The following GALNT7 variants were observed in gnomAD, a reference collection of about 807,000 sequenced individuals.
GALNT7 encodes the protein polypeptide N-acetylgalactosaminyltransferase 7.
In GALNT7, 60 loss-of-function variants were observed where a neutral mutation model predicts 82.1. That is an observed-to-expected ratio of 0.73 (90% CI 0.59 to 0.91). The LOEUF is 0.91. GALNT7 is among the 40% of genes least tolerant of loss of function. The probability of loss-of-function intolerance (pLI) is 0.00; values close to 1 mark genes in which losing one functional copy is unlikely to be tolerated. For missense variants in GALNT7, 660 were observed against 804.2 expected, an observed-to-expected ratio of 0.82 and a Z score of 2.17; for synonymous variants, 243 against 275.1, an observed-to-expected ratio of 0.88 and a Z score of 1.15.
At chr4:173,204,056 C>A (rs1232979906) in intron 1 of GALNT7, among the ~76,000 whole-genome samples, 1 of 152,112 alleles carries the variant, frequency 6.6e-6, no homozygotes, top group Non-Finnish European at 1.5e-5. Context: ...TTTGTCTGGG[C>A]AAGTCTTTTA....
At chr4:173,308,624 G>T (rs567704889) in intron 8 of GALNT7, among the ~76,000 whole-genome samples, 1 of 152,268 alleles carries the variant, frequency 6.6e-6, no homozygotes, top group South Asian at 2.1e-4. Flanking sequence ...AGGAAAATTG[G>T]CCAGGCACAG....
chr4:173,225,911 C>T (rs1733811536), intron 1 of GALNT7, among the ~76,000 whole-genome samples: 1 of 152,148 alleles, frequency 6.6e-6, no homozygotes, highest in Non-Finnish European at 1.5e-5. Context: ...TGAACCAACC[C>T]CACAGAGAGC....
chr4:173,287,227 A>G (rs182869215), intron 2 of GALNT7, among the ~76,000 whole-genome samples: 4 of 152,362 alleles, frequency 2.6e-5, no homozygotes, highest in East Asian at 1.9e-4. Flanking sequence ...AAGTTCTCCA[A>G]TATACACATT....
chr4:173,291,977 T>C lies in GALNT7; in HGVS notation c.588-131T>C, dbSNP rs1208269876. 5.1e-6 allele frequency: 3 copies of C among 582,596 alleles called. No homozygotes were observed. In the East Asian group the frequency reaches 9.5e-5, roughly 19 times the overall value. 36.1% of individuals were successfully genotyped at this position (582,596 alleles called of 1,614,324 possible). A position where few individuals can be genotyped will look rare whatever the true frequency, so the allele number is the denominator to read the frequency against. ...TTTATCTTGCATTTCTGTTAAATTT[T>C]GAAGGCTATATTTCATTCACTTACC... On this transcript the variant is annotated intron_variant, in intron 2 of 11. Coordinates refer to ENST00000265000, the MANE Select transcript of GALNT7 (RefSeq NM_017423.3).
intron 1 of GALNT7, among the ~76,000 whole-genome samples, chr4:173,229,355 TTATTGAAATAAATG>T (rs1374800610): frequency 2.0e-5 from 3 of 152,206 alleles, no homozygotes; most frequent in Non-Finnish European, 2.9e-5. Context: ...AAGGAAATTT[TTATTGAAATAAATG>T]TATTGAAATT....
At position 173,248,106 on chromosome 4, in the gene GALNT7, A is replaced by G; in HGVS notation, c.253A>G (p.Ile85Val). 1.2e-6 allele frequency: 2 copies of G among 1,613,712 alleles called. No homozygotes were observed. Among genetic ancestry groups the G allele is most frequent in the East Asian group, 2.2e-5 (1 of 44,864 alleles). Residue 85 changes from isoleucine to valine, a missense_variant, in exon 2 of 12, where the codon ATT becomes GTT. Coordinates refer to ENST00000265000, the MANE Select transcript of GALNT7 (RefSeq NM_017423.3). ...VEGVEVDLES[I>V]RRINKAKNEQ... ...AGGAGTAGAAGTGGACTTAGAGTCT[A>G]TTAGAAGAATAAACAAGGCCAAAAA...
rs1737859843 is a variant in GALNT7 at position 173,322,498 on chromosome 4, T to A, written c.*781T>A. On this transcript the variant is annotated 3_prime_UTR_variant, in exon 12 of 12. Transcript: ENST00000265000. Reference sequence around the variant, plus strand: ...CATTCACTCCCTTACCTACTGGCATTCCCAGTGCCCTCTGTCCATACCTAC... The same window carrying A: ...CATTCACTCCCTTACCTACTGGCATACCCAGTGCCCTCTGTCCATACCTAC... The A allele has an allele frequency of 6.6e-6, 1 of 152,192 alleles. No individual in the cohort carries two copies. Among genetic ancestry groups the A allele is most frequent in the African/African-American group, 2.4e-5 (1 of 41,456 alleles). 9.4% of individuals were successfully genotyped at this position (152,192 alleles called of 1,614,324 possible). A position where few individuals can be genotyped will look rare whatever the true frequency, so the allele number is the denominator to read the frequency against.
At position 173,170,366 on chromosome 4, in the gene GALNT7, A is replaced by G. The variant is rs145409208; in HGVS notation, c.126+1405A>G. 1.6e-4 allele frequency among the ~76,000 whole-genome samples: 25 copies of G among 152,294 alleles called. No homozygotes were observed. The Middle Eastern group carries it at 0.01, about 62-fold the overall frequency. On this transcript the variant is annotated intron_variant, in intron 1 of 11. Transcript: ENST00000265000. ...TTCCTTCTGGAAAGTTAGCATCAAGAAGTTGGGCAAAAAGGCTTGTGGCGT... is the reference window on the plus strand; with the variant it reads ...TTCCTTCTGGAAAGTTAGCATCAAGGAGTTGGGCAAAAAGGCTTGTGGCGT...
chr4:173,253,257 A>T (rs1734908498), intron 2 of GALNT7, among the ~76,000 whole-genome samples: 1 of 152,144 alleles, frequency 6.6e-6, no homozygotes, highest in Non-Finnish European at 1.5e-5. Flanking sequence ...GAAGACCCTG[A>T]AGGATGAGTA....
At chr4:173,204,204 T>G (rs1733023928) in intron 1 of GALNT7, among the ~76,000 whole-genome samples, 1 of 152,238 alleles carries the variant, frequency 6.6e-6, no homozygotes, top group South Asian at 2.1e-4. Context: ...CTACTGCCAG[T>G]CTTTCTGGAA....
chr4:173,317,241 A>C (rs1737637781), intron 9 of GALNT7: 1 of 170,540 alleles, frequency 5.9e-6, no homozygotes, highest in Admixed American at 6.0e-5. Flanking sequence ...CATTTGGGAG[A>C]GGTCCCTTAC....
At chr4:173,317,263 G>C (rs1682350595) in intron 9 of GALNT7, 2 of 204,374 alleles carry the variant, frequency 9.8e-6, no homozygotes, top group South Asian at 1.5e-4. Flanking sequence ...AATCCAGTCT[G>C]TTCTAGATAT....
Position 173,168,967 on chromosome 4 carries a change from TG to T in GALNT7, c.126+7del. On this transcript the variant is annotated splice_region_variant and intron_variant, in intron 1 of 11. Transcript: ENST00000265000. The stretch of plus-strand genomic sequence containing the variant: ...GCCCGCTGAGCAGGATGAGGGTGAG[TG>T]ACCCGCCCGGCCCCCTCCGGCGGCA... The T allele has an allele frequency of 6.2e-7, 1 of 1,610,466 alleles. No homozygotes were observed. Among genetic ancestry groups the T allele is most frequent in the Non-Finnish European group, 8.5e-7 (1 of 1,178,122 alleles).
chr4:173,209,933 G>A (rs190844850), intron 1 of GALNT7, among the ~76,000 whole-genome samples: 37 of 152,166 alleles, frequency 2.4e-4, no homozygotes, highest in Non-Finnish European at 3.7e-4. Flanking sequence ...AGGAGTTCCA[G>A]ACCAGCCTGA....
At position 173,187,985 on chromosome 4, in the gene GALNT7, CTCT is replaced by C. The variant is rs144851082; in HGVS notation, c.126+19029_126+19031del. On this transcript the variant is annotated intron_variant, in intron 1 of 11. Coordinates refer to ENST00000265000, the MANE Select transcript of GALNT7 (RefSeq NM_017423.3). ...CTTATTTCACTCTGAGGTGATAGGG[CTCT>C]TCTTTTCTATGTCTTTGCATCTTAA... Among the ~76,000 whole-genome samples, 799 of 152,222 alleles carry C rather than the reference CTCT, an allele frequency of 5.2e-3. 8 individuals are homozygous for C. The highest frequency in any genetic ancestry group is 0.018 in the African/African-American group (768 of 41,532).
At chr4:173,285,826 G>A (rs930512382) in intron 2 of GALNT7, among the ~76,000 whole-genome samples, 1 of 152,210 alleles carries the variant, frequency 6.6e-6, no homozygotes, top group African/African-American at 2.4e-5. Flanking sequence ...GACAGATGTT[G>A]AGAGGGGCTT....
At chr4:173,203,271 T>A (rs1453266477) in intron 1 of GALNT7, among the ~76,000 whole-genome samples, 1 of 152,204 alleles carries the variant, frequency 6.6e-6, no homozygotes, top group Non-Finnish European at 1.5e-5. Flanking sequence ...TTTTTTGTGT[T>A]TTTAGTAGAG....
At chr4:173,274,089 C>G (rs1334712615) in intron 2 of GALNT7, among the ~76,000 whole-genome samples, 2 of 152,078 alleles carry the variant, frequency 1.3e-5, no homozygotes. Context: ...GTGAAATGTT[C>G]TTTTTTTCCT....
At chr4:173,260,898 G>A (rs928581907) in intron 2 of GALNT7, among the ~76,000 whole-genome samples, 3 of 152,160 alleles carry the variant, frequency 2.0e-5, no homozygotes, top group Non-Finnish European at 2.9e-5. Flanking sequence ...GAACCCATGA[G>A]TGATGGTACT....
Sources: allele counts gnomAD v4.1 joint callset (sites outside exome capture counted in the v4.1 genomes callset), GRCh38; gene constraint gnomAD v4.1.1; transcripts MANE v1.5; gene names NCBI Gene and HGNC (gene_info 2026-07-23, HGNC 2026-07-21).